SCG5: variants seen among roughly 807,000 people sequenced by gnomAD.
SCG5 encodes secretogranin V, also known as neuroendocrine protein 7B2.
SCG5 carries 18 observed loss-of-function variants against 25.7 expected under a neutral mutation model. The observed-to-expected ratio is 0.70, with a 90% CI of 0.48 to 1.04. The LOEUF is 1.04. Ranked by LOEUF, SCG5 falls within the 50% of genes least tolerant of loss-of-function variation. The pLI, the probability that SCG5 is intolerant of heterozygous loss-of-function variation, is 0.00. For synonymous variants in SCG5, 101 were observed against 91.7 expected (o/e 1.10, Z -0.58); for missense variants, 206 against 259.8 (o/e 0.79, Z 1.42).
chr15:32,679,997 TC>T, intron 3 of SCG5, 82 bp downstream of exon 3: 2 of 1,281,608 alleles, frequency 1.6e-6, no homozygotes, highest in Non-Finnish European at 2.2e-6. Flanking sequence ...CTACAAATAT[TC>T]CCAGAAATTG....
chr15:32,650,709 C>T (rs551667709), intron 2 of SCG5, among the ~76,000 whole-genome samples: 2 of 152,278 alleles, frequency 1.3e-5, no homozygotes, highest in African/African-American at 2.4e-5. Context: ...AATGTGCTTT[C>T]GTTTTCAGAA....
chr15:32,648,537 C>A (rs942809893), intron 2 of SCG5, among the ~76,000 whole-genome samples: 1 of 152,086 alleles, frequency 6.6e-6, no homozygotes, highest in Non-Finnish European at 1.5e-5. Flanking sequence ...CCATGACCTA[C>A]GAGGATCCAC....
At chr15:32,669,667 A>G (rs1465367437) in intron 2 of SCG5, among the ~76,000 whole-genome samples, 1 of 152,162 alleles carries the variant, frequency 6.6e-6, no homozygotes, top group Non-Finnish European at 1.5e-5. Flanking sequence ...CAAATTACCT[A>G]TTTGAAACGG....
intron 2 of SCG5, among the ~76,000 whole-genome samples, chr15:32,678,298 A>G (rs2054563137): frequency 6.6e-6 from 1 of 152,260 alleles, no homozygotes; most frequent in Admixed American, 6.5e-5. Flanking sequence ...ATATTTTCAG[A>G]AAATGCGACA....
intron 2 of SCG5, among the ~76,000 whole-genome samples, chr15:32,647,233 G>T (rs1355048035): frequency 1.3e-5 from 2 of 152,148 alleles, no homozygotes; most frequent in African/African-American, 4.8e-5. Flanking sequence ...GTGCTACGAT[G>T]AAATAATTTC....
At position 32,696,706 on chromosome 15, in the gene SCG5, C is replaced by A. The variant is rs2054974956; in HGVS notation, c.*97C>A. The A allele has an allele frequency of 1.4e-6, 1 of 722,254 alleles. No individual in the cohort carries two copies. Among genetic ancestry groups the A allele is most frequent in the Admixed American group, 2.1e-5 (1 of 47,362 alleles). 44.7% of individuals were successfully genotyped at this position (722,254 alleles called of 1,614,324 possible). On this transcript the variant is annotated 3_prime_UTR_variant, in exon 6 of 6. Coordinates refer to ENST00000300175, the MANE Select transcript of SCG5 (RefSeq NM_001144757.3). ...AGTCCCTGTGAATGACAGCATGTTT[C>A]TTACATAGATAATTATGGATACAAA...
chr15:32,684,440 T>C, intron 3 of SCG5, 117 bp from the exon 4 acceptor site: 3 of 659,842 alleles, frequency 4.5e-6, no homozygotes, highest in South Asian at 1.9e-5. Flanking sequence ...GTGTTCTAAG[T>C]TACTACTGAT....
chr15:32,696,033 C>T (rs2054952696), intron 5 of SCG5, among the ~76,000 whole-genome samples: 2 of 152,154 alleles, frequency 1.3e-5, no homozygotes, highest in South Asian at 2.1e-4. Context: ...TTAATTAGTA[C>T]ACTGGAGTAA....
chr15:32,667,276 A>G (rs1286650412), intron 2 of SCG5, among the ~76,000 whole-genome samples: 1 of 152,254 alleles, frequency 6.6e-6, no homozygotes, highest in East Asian at 1.9e-4. Context: ...ATTATTTTTC[A>G]TCAATAGTTC....
At chr15:32,673,344 T>G (rs1171447512) in intron 2 of SCG5, among the ~76,000 whole-genome samples, 2 of 152,210 alleles carry the variant, frequency 1.3e-5, no homozygotes, top group African/African-American at 4.8e-5. Flanking sequence ...CTCTCGGAGC[T>G]AATTTTATCT....
chr15:32,664,037 G>T (rs1474994474), intron 2 of SCG5, among the ~76,000 whole-genome samples: 1 of 152,176 alleles, frequency 6.6e-6, no homozygotes, highest in African/African-American at 2.4e-5. Context: ...GAATTCTGAA[G>T]CTCACCAGAG....
At chr15:32,690,445 A>G (rs1396746166) in intron 4 of SCG5, among the ~76,000 whole-genome samples, 5 of 152,236 alleles carry the variant, frequency 3.3e-5, no homozygotes, top group African/African-American at 1.2e-4. Context: ...CCTCACAGCA[A>G]TATCCTCATT....
chr15:32,690,003 G>A (rs909774544), intron 4 of SCG5, among the ~76,000 whole-genome samples: 8 of 152,140 alleles, frequency 5.3e-5, no homozygotes, highest in African/African-American at 1.7e-4. Context: ...CACCACGCCC[G>A]GCTAATTTTT....
At chr15:32,679,074 C>T (rs2054572941) in intron 2 of SCG5, among the ~76,000 whole-genome samples, 1 of 152,198 alleles carries the variant, frequency 6.6e-6, no homozygotes, top group Non-Finnish European at 1.5e-5. Flanking sequence ...AAGTCCTGCC[C>T]AAGCTCCACG....
At chr15:32,661,125 A>C (rs1343023838) in intron 2 of SCG5, among the ~76,000 whole-genome samples, 1 of 152,170 alleles carries the variant, frequency 6.6e-6, no homozygotes. Flanking sequence ...TCTATTTTAC[A>C]AGGGAAAGTT....
intron 2 of SCG5, among the ~76,000 whole-genome samples, chr15:32,644,363 C>G (rs960753199): frequency 6.6e-6 from 1 of 152,094 alleles, no homozygotes; most frequent in Non-Finnish European, 1.5e-5. Context: ...AAAAGAGGTA[C>G]TGACATTAAG....
intron 2 of SCG5, among the ~76,000 whole-genome samples, chr15:32,663,488 G>T (rs2054271944): frequency 6.6e-6 from 1 of 152,134 alleles, no homozygotes; most frequent in Non-Finnish European, 1.5e-5. Flanking sequence ...GTGGCAGGAG[G>T]CATCAGGGTA....
intron 4 of SCG5, among the ~76,000 whole-genome samples, chr15:32,689,778 CT>C (rs1567089747): frequency 6.6e-6 from 1 of 152,086 alleles, no homozygotes; most frequent in African/African-American, 2.4e-5. Flanking sequence ...AATCCTAACC[CT>C]AGCTCTTAAG....
At chr15:32,657,221 T>TATATATATATATATATATA (rs2054137243) in intron 2 of SCG5, among the ~76,000 whole-genome samples, 2 of 14,002 alleles carry the variant, frequency 1.4e-4, no homozygotes, top group South Asian at 4.2e-3. Flanking sequence ...ATGTATGTAT[T>TATATATATATATATATATA]TCCAGGTGTA....
Sources: gnomAD v4.1 joint callset for allele counts (sites outside exome capture counted in the v4.1 genomes callset) on GRCh38, gnomAD v4.1.1 for gene constraint, MANE v1.5 for transcripts, NCBI Gene and HGNC (gene_info 2026-07-23, HGNC 2026-07-21) for gene names.